PLD5: variants seen among roughly 807,000 people sequenced by gnomAD.
PLD5 encodes phospholipase D family member 5.
PLD5 carries 36 observed loss-of-function variants against 61.1 expected under a neutral mutation model. That is an observed-to-expected ratio of 0.59 (90% CI 0.45 to 0.78). The LOEUF is 0.78. Among genes scored for constraint, PLD5 ranks in the 30% least tolerant of loss-of-function variants. The pLI is 0.00. For synonymous variants in PLD5, 243 were observed against 242.8 expected (o/e 1.00, Z -0.01); for missense variants, 515 against 644.4 (o/e 0.80, Z 2.17).
intron 1 of PLD5, among the ~76,000 whole-genome samples, chr1:242,364,764 C>T (rs1304850284): frequency 6.6e-6 from 1 of 151,892 alleles, no homozygotes; most frequent in African/African-American, 2.4e-5. Flanking sequence ...AAGAGAAGGG[C>T]TTTAAGTGAT....
At chr1:242,395,081 G>GAA (rs1558528423) in intron 1 of PLD5, among the ~76,000 whole-genome samples, 31 of 108,494 alleles carry the variant, frequency 2.9e-4, no homozygotes, top group African/African-American at 1.0e-3. Flanking sequence ...GAATATATAT[G>GAA]TATATATATG....
In PLD5 at chr1:242,342,711, G is replaced by A. The variant is rs1393435665; in HGVS notation, c.326+5395C>T. ...CCAAATAAATCATTTAAAACATATT[G>A]GGAAATGGTGGAAGTGCCCAGAAAT... On this transcript the variant is annotated intron_variant, in intron 2 of 9. Transcript: ENST00000536534. Among the ~76,000 whole-genome samples, 3 of 150,990 alleles carry A rather than the reference G, an allele frequency of 2.0e-5. No homozygotes were observed. The East Asian group carries it at 5.9e-4, about 30-fold the overall frequency.
At position 242,352,001 on chromosome 1, in the gene PLD5, C is replaced by T. The variant is rs373270626; in HGVS notation, c.190-3759G>A. Among the ~76,000 whole-genome samples the T allele has an allele frequency of 1.2e-3, 185 of 152,184 alleles. 1 individual carries two copies. Among genetic ancestry groups the T allele is most frequent in the African/African-American group, 4.2e-3 (174 of 41,514 alleles). Reference sequence around the variant, plus strand: ...GGTACAAAGTGATTTTTTACAATATCGGTAGAATCATAAGTTATAAAACTG... The same window carrying T: ...GGTACAAAGTGATTTTTTACAATATTGGTAGAATCATAAGTTATAAAACTG... On this transcript the variant is annotated intron_variant, in intron 1 of 9. Coordinates refer to ENST00000536534, the MANE Select transcript of PLD5 (RefSeq NM_001372062.1).
At position 242,241,991 on chromosome 1, in the gene PLD5, CTATATA is replaced by C. The variant is rs71579089; in HGVS notation, c.608-21882_608-21877del. On this transcript the variant is annotated intron_variant, in intron 4 of 9. Transcript: ENST00000536534. ...CTTAAATATATACTATATATACTTA[CTATATA>C]TATATATATATATAGACACACACAC... 4.4e-3 allele frequency among the ~76,000 whole-genome samples: 504 copies of C among 115,300 alleles called. 7 individuals are homozygous for C. Among genetic ancestry groups the C allele is most frequent in the South Asian group, 0.012 (38 of 3,180 alleles). The allele number at this position is 115,300 out of a possible 152,430, so 75.6% of individuals were successfully genotyped here.
chr1:242,302,693 T>C (rs761612936), intron 2 of PLD5, among the ~76,000 whole-genome samples: 1 of 152,242 alleles, frequency 6.6e-6, no homozygotes, highest in African/African-American at 2.4e-5. Context: ...CACTCTAGCC[T>C]GGGCAACAGA....
chr1:242,402,904 AG>A (rs1664020860), intron 1 of PLD5, among the ~76,000 whole-genome samples: 1 of 152,262 alleles, frequency 6.6e-6, no homozygotes, highest in Non-Finnish European at 1.5e-5. Context: ...GCTAGAAGCT[AG>A]AAGTAATTTA....
At chr1:242,527,277 T>C (rs1333486461), upstream of PLD5, among the ~76,000 whole-genome samples, 1 of 151,782 alleles carries the variant, frequency 6.6e-6, no homozygotes. Context: ...ATTATAGGCA[T>C]GCACTATCAC....
At chr1:242,529,707 T>C in the PLD5 span, among the ~76,000 whole-genome samples, 1 of 151,538 alleles carries the variant, frequency 6.6e-6, no homozygotes, top group African/African-American at 2.4e-5. Context: ...CCTGGTAGAG[T>C]GGGTTTATAC....
intron 1 of PLD5, among the ~76,000 whole-genome samples, chr1:242,462,772 A>T (rs1189875814): frequency 6.6e-6 from 1 of 151,946 alleles, no homozygotes; most frequent in East Asian, 1.9e-4. Flanking sequence ...CCACTTTGAG[A>T]CCATTCATTC....
At chr1:242,520,552 C>G (rs983622297) in intron 1 of PLD5, among the ~76,000 whole-genome samples, 1 of 152,182 alleles carries the variant, frequency 6.6e-6, no homozygotes, top group South Asian at 2.1e-4. Context: ...CACACTTTGA[C>G]AGGAGCTAAT....
At chr1:242,106,480 C>A (rs1332359181) in intron 8 of PLD5, among the ~76,000 whole-genome samples, 1 of 152,302 alleles carries the variant, frequency 6.6e-6, no homozygotes, top group East Asian at 1.9e-4. Flanking sequence ...TCCTTTGTCA[C>A]CCTGGAAACA....
intron 9 of PLD5, among the ~76,000 whole-genome samples, chr1:242,096,266 C>T (rs772602274): frequency 6.6e-5 from 10 of 151,680 alleles, no homozygotes; most frequent in Non-Finnish European, 1.0e-4. Context: ...TCAATATTCT[C>T]ATATTGGAGC....
At chr1:242,337,105 C>T (rs1383938562) in intron 2 of PLD5, among the ~76,000 whole-genome samples, 2 of 151,984 alleles carry the variant, frequency 1.3e-5, no homozygotes, top group East Asian at 3.9e-4. Flanking sequence ...GCATGTCTCA[C>T]ACACTTCACC....
chr1:242,266,210 G>A (rs1047972306), intron 3 of PLD5, among the ~76,000 whole-genome samples: 3 of 152,152 alleles, frequency 2.0e-5, no homozygotes, highest in Non-Finnish European at 4.4e-5. Flanking sequence ...GTGAAACTCT[G>A]TTTCTACTAA....
At chr1:242,478,829 G>C (rs1667678977) in intron 1 of PLD5, among the ~76,000 whole-genome samples, 1 of 152,068 alleles carries the variant, frequency 6.6e-6, no homozygotes, top group Non-Finnish European at 1.5e-5. Context: ...AACACAAAGA[G>C]AGCACATAAG....
intron 4 of PLD5, among the ~76,000 whole-genome samples, chr1:242,238,219 T>A (rs6429340): frequency 0.55 from 84,003 of 151,964 alleles, 23,488 homozygotes; most frequent in South Asian, 0.69. Flanking sequence ...AGGTATGCTT[T>A]TAAAAGCAAT....
intron 1 of PLD5, among the ~76,000 whole-genome samples, chr1:242,388,347 TCAGCA>T (rs1662720395): frequency 6.6e-6 from 1 of 152,064 alleles, no homozygotes; most frequent in Non-Finnish European, 1.5e-5. Flanking sequence ...GTGAAATGGG[TCAGCA>T]CAGCTCTGAC....
chr1:242,322,362 G>T (rs1658472533), intron 2 of PLD5, among the ~76,000 whole-genome samples: 1 of 152,070 alleles, frequency 6.6e-6, no homozygotes, highest in Admixed American at 6.5e-5. Context: ...TCAAGTCTTT[G>T]TCCAAAATCC....
In PLD5 at chr1:242,211,087, G is replaced by A. The variant is rs77867846; in HGVS notation, c.735+8901C>T. Among the ~76,000 whole-genome samples, 896 of 152,308 alleles carry A rather than the reference G, an allele frequency of 5.9e-3. 8 individuals carry two copies. The highest frequency in any genetic ancestry group is 0.021 in the African/African-American group (871 of 41,576). ...GAGAAGCTGCAGTAGTTATCCAGGAGACCTAGCTGGGATCATCGATGAAGC... is the reference window on the plus strand; with the variant it reads ...GAGAAGCTGCAGTAGTTATCCAGGAAACCTAGCTGGGATCATCGATGAAGC... On this transcript the variant is annotated intron_variant, in intron 5 of 9. Coordinates refer to ENST00000536534, the MANE Select transcript of PLD5 (RefSeq NM_001372062.1).
Sources: gnomAD v4.1 joint callset for allele counts (sites outside exome capture counted in the v4.1 genomes callset) on GRCh38, gnomAD v4.1.1 for gene constraint, MANE v1.5 for transcripts, NCBI Gene and HGNC (gene_info 2026-07-23, HGNC 2026-07-21) for gene names.